Variants in PPHLN1 observed in about 807,000 individuals in gnomAD.
PPHLN1 encodes periphilin-1.
PPHLN1 carries 29 observed loss-of-function variants against 51.3 expected under a neutral mutation model. The ratio of observed to expected loss-of-function variants is 0.57; its 90% CI spans 0.42 to 0.77. PPHLN1 has a LOEUF of 0.77. Among genes scored for constraint, PPHLN1 ranks in the 30% least tolerant of loss-of-function variants. The probability of loss-of-function intolerance (pLI) is 0.00; values close to 1 mark genes in which losing one functional copy is unlikely to be tolerated. For synonymous variants in PPHLN1, 147 were observed against 147.8 expected (o/e 0.99, Z 0.04); for missense variants, 436 against 438.4 (o/e 0.99, Z 0.05).
chr12:42,354,804 G>A (rs1274774113), intron 3 of PPHLN1, among the ~76,000 whole-genome samples: 2 of 152,180 alleles, frequency 1.3e-5, no homozygotes, highest in African/African-American at 4.8e-5. Flanking sequence ...AAATTGGTGA[G>A]AGAACTTGAC....
At chr12:42,416,124 G>A (rs191218277) in intron 9 of PPHLN1, among the ~76,000 whole-genome samples, 482 of 152,286 alleles carry the variant, frequency 3.2e-3, no homozygotes, top group Admixed American at 6.2e-3. Flanking sequence ...ATTATCAGTC[G>A]TTTAGTGTGG....
At chr12:42,404,624 C>T (rs898651391) in intron 9 of PPHLN1, among the ~76,000 whole-genome samples, 2 of 152,172 alleles carry the variant, frequency 1.3e-5, no homozygotes, top group African/African-American at 2.4e-5. Flanking sequence ...GTCAAGGTTT[C>T]GACTATTTGC....
At chr12:42,431,212 A>C (rs1159055374) in intron 9 of PPHLN1, among the ~76,000 whole-genome samples, 2 of 152,214 alleles carry the variant, frequency 1.3e-5, no homozygotes, top group African/African-American at 4.8e-5. Flanking sequence ...ACCAGTTTCC[A>C]AACTAAACTA....
At chr12:42,353,580 T>G (rs952461091) in intron 3 of PPHLN1, among the ~76,000 whole-genome samples, 3 of 152,232 alleles carry the variant, frequency 2.0e-5, no homozygotes, top group African/African-American at 7.2e-5. Context: ...ACAGAATTGA[T>G]TTTTATTTTA....
chr12:42,434,754 C>T lies in PPHLN1; in HGVS notation c.910-6561C>T, dbSNP rs117245305. On this transcript the variant is annotated intron_variant, in intron 9 of 9. Transcript: ENST00000358314. ...TGTCTCCTGGGCTGGAGTGCAACGGCGCGATCTCAGCTCACTGCAACCTTG... is the reference window on the plus strand; with the variant it reads ...TGTCTCCTGGGCTGGAGTGCAACGGTGCGATCTCAGCTCACTGCAACCTTG... Among the ~76,000 whole-genome samples, 101 of 152,298 alleles carry T rather than the reference C, an allele frequency of 6.6e-4. No homozygotes were observed. The East Asian group carries it at 0.017, about 26-fold the overall frequency.
At chr12:42,406,233 G>A (rs754843326) in intron 9 of PPHLN1, among the ~76,000 whole-genome samples, 86 of 151,976 alleles carry the variant, frequency 5.7e-4, no homozygotes, top group Non-Finnish European at 1.1e-3. Context: ...ACAGGCACCC[G>A]CCACCATGCC....
At chr12:42,331,483 C>A (rs2069725985) in intron 1 of PPHLN1, among the ~76,000 whole-genome samples, 1 of 152,232 alleles carries the variant, frequency 6.6e-6, no homozygotes, top group Non-Finnish European at 1.5e-5. Flanking sequence ...CCTCCATAAT[C>A]TCTCAGCCCT....
At chr12:42,384,437 A>G (rs112006050) in intron 5 of PPHLN1, among the ~76,000 whole-genome samples, 1 of 152,192 alleles carries the variant, frequency 6.6e-6, no homozygotes, top group Non-Finnish European at 1.5e-5. Context: ...AAAATATATC[A>G]AGATTCTAAG....
intron 9 of PPHLN1, among the ~76,000 whole-genome samples, chr12:42,423,042 T>C (rs1303205733): frequency 1.3e-5 from 2 of 152,180 alleles, no homozygotes; most frequent in Non-Finnish European, 2.9e-5. Context: ...GGTTCTAACA[T>C]TAGTATGTTC....
Position 42,373,009 on chromosome 12 carries a change from C to G in PPHLN1, c.300-1854C>G, listed in dbSNP as rs80217423. Among the ~76,000 whole-genome samples the G allele has an allele frequency of 9.2e-3, 1,400 of 152,290 alleles. 22 individuals carry two copies. Among genetic ancestry groups the G allele is most frequent in the African/African-American group, 0.031 (1,292 of 41,544 alleles). On this transcript the variant is annotated intron_variant, in intron 4 of 9. Transcript: ENST00000358314. ...AAAATTTGTGACCCCTCACCTGCTC[C>G]TGTCCCATCTAAGATACCACTGTCT... is the stretch of plus-strand genomic sequence containing the variant.
At chr12:42,381,414 T>C (rs2076749324) in intron 5 of PPHLN1, among the ~76,000 whole-genome samples, 1 of 152,214 alleles carries the variant, frequency 6.6e-6, no homozygotes, top group South Asian at 2.1e-4. Context: ...GTTTTCCTTA[T>C]ATGTTTAAAA....
intron 1 of PPHLN1, among the ~76,000 whole-genome samples, chr12:42,332,987 A>G (rs902168795): frequency 6.6e-6 from 1 of 152,166 alleles, no homozygotes; most frequent in African/African-American, 2.4e-5. Context: ...TAGTATATAT[A>G]CATTATGCAG....
At chr12:42,387,793 G>A (rs913073146) in intron 7 of PPHLN1, among the ~76,000 whole-genome samples, 20 of 152,182 alleles carry the variant, frequency 1.3e-4, no homozygotes, top group African/African-American at 4.3e-4. Context: ...ACTCCATTTT[G>A]ACCTGTACCC....
At chr12:42,365,188 A>G (rs1490002530) in intron 4 of PPHLN1, among the ~76,000 whole-genome samples, 2 of 152,236 alleles carry the variant, frequency 1.3e-5, no homozygotes. Context: ...CATTTAAAAT[A>G]AAAGATATTT....
chr12:42,438,943 C>G (rs558424460), intron 9 of PPHLN1, among the ~76,000 whole-genome samples: 3 of 152,286 alleles, frequency 2.0e-5, no homozygotes, highest in African/African-American at 7.2e-5. Flanking sequence ...ATTTTAGATA[C>G]TAGTTTATCA....
At chr12:42,428,152 C>T (rs537435196) in intron 9 of PPHLN1, among the ~76,000 whole-genome samples, 2 of 152,314 alleles carry the variant, frequency 1.3e-5, no homozygotes, top group South Asian at 2.1e-4. Flanking sequence ...CACTTCTACA[C>T]TGCAGGTGGG....
At chr12:42,398,781 G>A in intron 8 of PPHLN1, 73 bp from the exon 9 acceptor site, 2 of 1,388,502 alleles carry the variant, frequency 1.4e-6, no homozygotes, top group Non-Finnish European at 2.0e-6. Flanking sequence ...GCCAGTTAGT[G>A]CCTATACACA....
intron 2 of PPHLN1, among the ~76,000 whole-genome samples, chr12:42,341,044 G>A (rs563153976): frequency 6.9e-6 from 1 of 144,464 alleles, no homozygotes; most frequent in East Asian, 2.0e-4. Context: ...GCAGTGGCAT[G>A]ATCTCAGCTC....
At position 42,441,184 on chromosome 12, in the gene PPHLN1, G is replaced by A. The variant is rs531661238; in HGVS notation, c.910-131G>A. The A allele has an allele frequency of 5.2e-5, 66 of 1,272,650 alleles. No homozygotes were observed. The East Asian group carries it at 1.0e-3, about 20-fold the overall frequency. 78.8% of individuals were successfully genotyped at this position (1,272,650 alleles called of 1,614,324 possible). ...CTGGTAATAGTGACAATGCAAGGGC[G>A]AGAAAGGTTCCGCTTTCTTTTTTGT... On this transcript the variant is annotated intron_variant, in intron 9 of 9. Transcript: ENST00000358314.
Sources: allele counts gnomAD v4.1 joint callset (sites outside exome capture counted in the v4.1 genomes callset), GRCh38; gene constraint gnomAD v4.1.1; transcripts MANE v1.5; gene names NCBI Gene and HGNC (gene_info 2026-07-23, HGNC 2026-07-21).